Variants in RAB27A observed in about 807,000 individuals in gnomAD.
RAB27A encodes the protein RAB27A, member RAS oncogene family.
A neutral mutation model predicts 20.8 loss-of-function variants in RAB27A; 17 were observed. The ratio of observed to expected loss-of-function variants is 0.82; its 90% CI spans 0.56 to 1.23. The LOEUF (loss-of-function observed/expected upper bound fraction) is 1.23. Among genes scored for constraint, RAB27A ranks in the 50% most tolerant of loss-of-function variants. The probability of loss-of-function intolerance (pLI) is 0.00; values close to 1 mark genes in which losing one functional copy is unlikely to be tolerated. For synonymous variants in RAB27A, 85 were observed against 92.8 expected, an observed-to-expected ratio of 0.92 and a Z score of 0.48; for missense variants, 277 against 266.7, an observed-to-expected ratio of 1.04 and a Z score of -0.27.
At chr15:55,306,420 G>A (rs571964671) in intron 2 of RAB27A, among the ~76,000 whole-genome samples, 15 of 152,228 alleles carry the variant, frequency 9.9e-5, no homozygotes, top group African/African-American at 3.4e-4. Flanking sequence ...AGGGTTTCAT[G>A]TAGTTTTGAG....
chr15:55,225,492 G>A (rs1034732015), intron 5 of RAB27A, among the ~76,000 whole-genome samples: 3 of 152,206 alleles, frequency 2.0e-5, no homozygotes, highest in Non-Finnish European at 4.4e-5. Flanking sequence ...GCAAGTCTCA[G>A]GTCCCACTCC....
intron 2 of RAB27A, among the ~76,000 whole-genome samples, chr15:55,262,163 T>C (rs1897292250): frequency 6.6e-6 from 1 of 152,212 alleles, no homozygotes; most frequent in Non-Finnish European, 1.5e-5. Flanking sequence ...ATTTCTTACA[T>C]AGCCATACTA....
chr15:55,316,631 G>C (rs925354010), intron 1 of RAB27A, among the ~76,000 whole-genome samples: 5 of 151,356 alleles, frequency 3.3e-5, no homozygotes, highest in African/African-American at 1.2e-4. Flanking sequence ...TAACGCTAGA[G>C]TAAAAAGTAA....
rs1555399450 is a variant in RAB27A, at chr15:55,274,794, T to TTATATATATATACATA, written c.-142-4511_-142-4510insTATGTATATATATATA. 3.7e-3 allele frequency among the ~76,000 whole-genome samples: 195 copies of TTATATATATATACATA among 52,150 alleles called. 2 individuals are homozygous for TTATATATATATACATA. Among genetic ancestry groups the TTATATATATATACATA allele is most frequent in the African/African-American group, 0.011 (187 of 17,214 alleles). 34.2% of individuals were successfully genotyped at this position (52,150 alleles called of 152,430 possible). On this transcript the variant is annotated intron_variant, in intron 1 of 6. Transcript: ENST00000336787. ...ATCCGTCCTTAAAAAAATAAATAAATTATATATATATATATATATATATAT... is the reference window on the plus strand; with the variant it reads ...ATCCGTCCTTAAAAAAATAAATAAATTATATATATATACATATATATATATATATATATATATATAT...
chr15:55,266,218 G>A (rs1897476912), intron 2 of RAB27A, among the ~76,000 whole-genome samples: 1 of 152,196 alleles, frequency 6.6e-6, no homozygotes, highest in Non-Finnish European at 1.5e-5. Flanking sequence ...TCTGCCTTGT[G>A]AGAATACAGT....
chr15:55,317,652 T>C, intron 1 of RAB27A: 2 of 398,578 alleles, frequency 5.0e-6, no homozygotes, highest in Non-Finnish European at 8.8e-6. Flanking sequence ...CTTCTGATTC[T>C]TGTACCAACT....
chr15:55,228,955 A>AC (rs1352056522), intron 4 of RAB27A, among the ~76,000 whole-genome samples: 5 of 152,228 alleles, frequency 3.3e-5, no homozygotes, highest in African/African-American at 1.2e-4. Context: ...TCTTAGTCTC[A>AC]CCCAAGAATT....
At chr15:55,282,522 G>A (rs1385950024) in intron 1 of RAB27A, among the ~76,000 whole-genome samples, 1 of 152,206 alleles carries the variant, frequency 6.6e-6, no homozygotes, top group Non-Finnish European at 1.5e-5. Flanking sequence ...CTCTAGTGAA[G>A]CTAGAATCAG....
chr15:55,209,829 C>CGG (rs1566896005), intron 6 of RAB27A, among the ~76,000 whole-genome samples: 4 of 123,588 alleles, frequency 3.2e-5, no homozygotes, highest in South Asian at 4.9e-4. Context: ...TGTATATATA[C>CGG]ATATATGTGT....
intron 2 of RAB27A, among the ~76,000 whole-genome samples, chr15:55,261,043 G>A (rs189066099): frequency 1.3e-5 from 2 of 151,992 alleles, no homozygotes; most frequent in African/African-American, 4.8e-5. Context: ...GGAGGGAAGG[G>A]AATATATGGA....
chr15:55,207,312 C>T (rs183364095), intron 6 of RAB27A, among the ~76,000 whole-genome samples: 61 of 152,266 alleles, frequency 4.0e-4, no homozygotes, highest in Non-Finnish European at 4.6e-4. Context: ...AAAGCAGAGC[C>T]AAGGCATGTT....
At chr15:55,274,520 G>A (rs1421261232) in intron 1 of RAB27A, among the ~76,000 whole-genome samples, 2 of 151,678 alleles carry the variant, frequency 1.3e-5, no homozygotes, top group African/African-American at 2.4e-5. Flanking sequence ...GTTCATGCCT[G>A]TAATCCCAGC....
intron 6 of RAB27A, among the ~76,000 whole-genome samples, chr15:55,207,177 T>A (rs957288697): frequency 1.3e-5 from 2 of 151,792 alleles, no homozygotes; most frequent in Non-Finnish European, 2.9e-5. Flanking sequence ...AAGAGGAACT[T>A]GCACTTACTG....
rs139999951 is a variant in RAB27A, at chr15:55,238,739, A to G, written c.-22-3783T>C. Among the ~76,000 whole-genome samples, 327 of 139,744 alleles carry G rather than the reference A, an allele frequency of 2.3e-3. 1 individual carries two copies. Among genetic ancestry groups the G allele is most frequent in the African/African-American group, 0.011 (312 of 29,618 alleles). The allele number at this position is 139,744 out of a possible 152,430, so 91.7% of individuals were successfully genotyped here. A position where few individuals can be genotyped will look rare whatever the true frequency, so the allele number is the denominator to read the frequency against. ...CTAACTGGCTCAAAGTGGTCGGCTG[A>G]GTCAACAAAGATCACTTTCAAATAA... On this transcript the variant is annotated intron_variant, in intron 2 of 6. Coordinates refer to ENST00000336787, the MANE Select transcript of RAB27A (RefSeq NM_183235.3).
intron 2 of RAB27A, among the ~76,000 whole-genome samples, chr15:55,303,811 C>T (rs2054985882): frequency 7.6e-6 from 1 of 130,720 alleles, no homozygotes; most frequent in African/African-American, 3.2e-5. Context: ...CCCCGCCCGG[C>T]CAGCCGCCCC....
chr15:55,222,826 GC>G (rs1566905135), intron 6 of RAB27A, among the ~76,000 whole-genome samples: 1 of 152,060 alleles, frequency 6.6e-6, no homozygotes, highest in East Asian at 1.9e-4. Flanking sequence ...CAACCCACTT[GC>G]TTCCTTCCTC....
At chr15:55,209,832 ATATG>A (rs1318694985) in intron 6 of RAB27A, among the ~76,000 whole-genome samples, 2 of 125,192 alleles carry the variant, frequency 1.6e-5, no homozygotes, top group Non-Finnish European at 3.2e-5. Flanking sequence ...ATATATACAT[ATATG>A]TGTGTACACA....
At chr15:55,288,118 G>A (rs958618364) in intron 1 of RAB27A, among the ~76,000 whole-genome samples, 1 of 152,200 alleles carries the variant, frequency 6.6e-6, no homozygotes, top group Non-Finnish European at 1.5e-5. Flanking sequence ...AGAATGAAAT[G>A]TAAGAGCTAA....
rs777485094 is a variant in RAB27A, at chr15:55,205,699, G to A, written c.474C>T (p.Pro158=). 20 of 1,613,256 alleles carry A rather than the reference G, an allele frequency of 1.2e-5. No individual in the cohort carries two copies. Among genetic ancestry groups the A allele is most frequent in the Middle Eastern group, 1.6e-4 (1 of 6,084 alleles). The part of the protein sequence containing the change: ...AIALAEKYGI[P]YFETSAANGT... ...CATTGGCAGCACTAGTTTCAAAGTA[G>A]GGGATTCTGGAAGACAGAGACAACT... Residue 158 remains proline (P), a synonymous_variant, in exon 7 of 7, where the codon CCC becomes CCT. Transcript: ENST00000336787.
Sources: gnomAD v4.1 joint callset for allele counts (sites outside exome capture counted in the v4.1 genomes callset) on GRCh38, gnomAD v4.1.1 for gene constraint, MANE v1.5 for transcripts, NCBI Gene and HGNC (gene_info 2026-07-23, HGNC 2026-07-21) for gene names.